RTL4: variants seen among roughly 807,000 people sequenced by gnomAD.
RTL4 encodes the protein retrotransposon Gag like 4.
A neutral mutation model predicts 5.3 loss-of-function variants in RTL4; 4 were observed. The observed-to-expected ratio is 0.75, with a 90% confidence interval of 0.37 to 1.72. The LOEUF (loss-of-function observed/expected upper bound fraction) is 1.72. Among genes scored for constraint, RTL4 ranks in the 40% most tolerant of loss-of-function variants. The pLI is 0.04. For synonymous variants in RTL4, 98 were observed against 87.3 expected (o/e 1.12, Z -0.68); for missense variants, 260 against 227.1 (o/e 1.14, Z -0.93).
the RTL4 span, among the ~76,000 whole-genome samples, chrX:112,435,758 CTT>C: frequency 2.7e-5 from 3 of 112,250 alleles, no homozygotes; most frequent in African/African-American, 9.7e-5. Flanking sequence ...AAACAAAAAA[CTT>C]TTAAAATTTG....
At chrX:112,163,203 C>T in the RTL4 span, among the ~76,000 whole-genome samples, 2 of 111,502 alleles carry the variant, frequency 1.8e-5, no homozygotes, top group East Asian at 2.8e-4. Context: ...GAATTCAGCC[C>T]GAAAACCTGT....
the RTL4 span, among the ~76,000 whole-genome samples, chrX:112,083,830 C>T: frequency 1.8e-5 from 2 of 111,502 alleles, no homozygotes; most frequent in Admixed American, 9.5e-5. Flanking sequence ...CCACCCCCAC[C>T]ACAAGCCTGA....
chrX:112,089,210 A>G, the RTL4 span, among the ~76,000 whole-genome samples: 12 of 110,770 alleles, frequency 1.1e-4, no homozygotes, highest in Non-Finnish European at 2.3e-4. Context: ...TGCTGCACCC[A>G]TTAACTCGTA....
At chrX:112,362,375 T>C in the RTL4 span, among the ~76,000 whole-genome samples, 2 of 111,810 alleles carry the variant, frequency 1.8e-5, no homozygotes, top group Non-Finnish European at 3.8e-5. Context: ...CTAAACACTA[T>C]GAAGAAAAGA....
the RTL4 span, among the ~76,000 whole-genome samples, chrX:112,313,202 G>A: frequency 9.0e-6 from 1 of 111,087 alleles, no homozygotes; most frequent in Non-Finnish European, 1.9e-5. Flanking sequence ...ATTCACAGAT[G>A]TAATACTGAC....
the RTL4 span, among the ~76,000 whole-genome samples, chrX:112,231,910 C>G: frequency 9.0e-6 from 1 of 111,454 alleles, no homozygotes; most frequent in East Asian, 2.8e-4. Flanking sequence ...AAGCCCTGAT[C>G]CTCTAACTTG....
the RTL4 span, among the ~76,000 whole-genome samples, chrX:112,154,422 T>C: frequency 4.4e-5 from 5 of 112,363 alleles, no homozygotes; most frequent in African/African-American, 1.6e-4. Context: ...TATAAACTTC[T>C]GTTGAAAACC....
the RTL4 span, among the ~76,000 whole-genome samples, chrX:112,107,704 G>T: frequency 9.0e-6 from 1 of 111,470 alleles, no homozygotes; most frequent in Non-Finnish European, 1.9e-5. Flanking sequence ...CCCTTATGTT[G>T]TTTACTTCTT....
the RTL4 span, among the ~76,000 whole-genome samples, chrX:112,110,543 T>G: frequency 1.8e-5 from 2 of 111,758 alleles, no homozygotes; most frequent in Non-Finnish European, 1.9e-5. Context: ...CTTAGGATAA[T>G]ACATGTTACA....
the RTL4 span, among the ~76,000 whole-genome samples, chrX:112,222,923 T>C: frequency 2.5e-4 from 28 of 112,083 alleles, no homozygotes; most frequent in Non-Finnish European, 5.1e-4. Flanking sequence ...TCACCTTCAT[T>C]TAGACCAGAT....
At chrX:112,238,460 C>A in the RTL4 span, among the ~76,000 whole-genome samples, 3 of 111,227 alleles carry the variant, frequency 2.7e-5, no homozygotes, top group Non-Finnish European at 5.7e-5. Flanking sequence ...TTATTCTATT[C>A]CCCTCTTGAA....
the RTL4 span, among the ~76,000 whole-genome samples, chrX:112,165,581 ATCTCTCTC>A: frequency 9.1e-6 from 1 of 109,724 alleles, no homozygotes; most frequent in Non-Finnish European, 1.9e-5. Flanking sequence ...ACTGACTTAA[ATCTCTCTC>A]TCTCTCTCTT....
the RTL4 span, among the ~76,000 whole-genome samples, chrX:112,331,676 A>C: frequency 9.4e-6 from 1 of 106,397 alleles, no homozygotes; most frequent in Non-Finnish European, 1.9e-5. Context: ...CCAAAGGACT[A>C]TAAATCATGC....
the RTL4 span, among the ~76,000 whole-genome samples, chrX:112,272,012 A>G: frequency 2.7e-5 from 3 of 112,199 alleles, no homozygotes; most frequent in Non-Finnish European, 3.8e-5. Context: ...TCACATAGTT[A>G]CCATTTGTGT....
At chrX:112,173,587 G>C in the RTL4 span, among the ~76,000 whole-genome samples, 1 of 111,099 alleles carries the variant, frequency 9.0e-6, no homozygotes, top group South Asian at 3.9e-4. Context: ...TCTGGTGGTG[G>C]AGCCAGATTT....
chrX:112,399,946 C>T, the RTL4 span, among the ~76,000 whole-genome samples: 1 of 111,423 alleles, frequency 9.0e-6, no homozygotes, highest in Non-Finnish European at 1.9e-5. Flanking sequence ...CTGTATTCTT[C>T]TGGTTTTGAA....
At chrX:112,210,332 G>T in the RTL4 span, among the ~76,000 whole-genome samples, 1 of 111,843 alleles carries the variant, frequency 8.9e-6, no homozygotes, top group Non-Finnish European at 1.9e-5. Flanking sequence ...GTTATTTACC[G>T]CTCTGTACTT....
At chrX:112,144,503 C>A in the RTL4 span, among the ~76,000 whole-genome samples, 1 of 111,100 alleles carries the variant, frequency 9.0e-6, no homozygotes, top group African/African-American at 3.3e-5. Context: ...ACTTTGAGAA[C>A]CACTGAGTTC....
upstream of RTL4, among the ~76,000 whole-genome samples, chrX:112,453,367 T>C (rs1220803345): frequency 1.8e-5 from 2 of 112,226 alleles, no homozygotes; most frequent in Non-Finnish European, 3.8e-5. Flanking sequence ...CTATGCCATA[T>C]GTTTGGGGTT....
Sources: allele counts gnomAD v4.1 joint callset (sites outside exome capture counted in the v4.1 genomes callset), GRCh38; gene constraint gnomAD v4.1.1; transcripts MANE v1.5; gene names NCBI Gene and HGNC (gene_info 2026-07-23, HGNC 2026-07-21).